Variants in NECAB2 observed in about 807,000 individuals in gnomAD.
NECAB2 encodes the protein N-terminal EF-hand calcium-binding protein 2.
NECAB2 carries 68 observed loss-of-function variants against 51.9 expected under a neutral mutation model. The observed-to-expected ratio is 1.31, with a 90% CI of 1.08 to 1.60. The LOEUF (loss-of-function observed/expected upper bound fraction) is 1.60, where lower values mean the gene tolerates loss of function less well. Ranked by LOEUF, NECAB2 falls within the 40% of genes most tolerant of loss-of-function variation. NECAB2 has a pLI of 0.00. For missense variants in NECAB2, 854 were observed against 490.3 expected, an observed-to-expected ratio of 1.74 and a Z score of -7.00; for synonymous variants, 329 against 203.5, an observed-to-expected ratio of 1.62 and a Z score of -5.25.
intron 8 of NECAB2, among the ~76,000 whole-genome samples, chr16:83,995,086 G>C (rs1290609022): frequency 6.6e-6 from 1 of 152,202 alleles, no homozygotes; most frequent in East Asian, 1.9e-4. Context: ...GTGATGATTC[G>C]AGAGAGTTTC....
At chr16:83,977,528 G>C (rs911635644) in intron 2 of NECAB2, among the ~76,000 whole-genome samples, 3 of 152,106 alleles carry the variant, frequency 2.0e-5, no homozygotes, top group African/African-American at 7.2e-5. Context: ...GGGAAAAGGT[G>C]AGGCGATGGG....
rs1412584878 is a variant in NECAB2 at position 83,998,328 on chromosome 16, T to G, written c.962+11T>G. ...GAGGAACTGCTTCCAGTGAGTGAGCTGCCGAGGCGTGGGTGGGATGGTGGC... is the reference window on the plus strand; with the variant it reads ...GAGGAACTGCTTCCAGTGAGTGAGCGGCCGAGGCGTGGGTGGGATGGTGGC... On this transcript the variant is annotated intron_variant, in intron 10 of 12. Transcript: ENST00000305202. The G allele has an allele frequency of 1.2e-6, 2 of 1,611,866 alleles. No individual in the cohort carries two copies. The highest frequency in any genetic ancestry group is 1.1e-5 in the South Asian group (1 of 90,862).
Position 83,994,635 on chromosome 16 carries a change from C to T in NECAB2, c.742C>T (p.Leu248=), listed in dbSNP as rs768518010. Residue 248 remains leucine, a synonymous_variant, in exon 8 of 13, where the codon CTG becomes TTG. Coordinates refer to ENST00000305202, the MANE Select transcript of NECAB2 (RefSeq NM_019065.3). ...CACGGAGGATGCAAAGGAAGAGGGTCTGGAAGCCCAGATCAGCCGCTTGGC... is the reference window on the plus strand; with the variant it reads ...CACGGAGGATGCAAAGGAAGAGGGTTTGGAAGCCCAGATCAGCCGCTTGGC... ...SATEDAKEEG[L]EAQISRLAEL... is the part of the protein sequence containing the mutation. 4.6e-5 allele frequency: 74 copies of T among 1,614,006 alleles called. No individual in the cohort carries two copies. The South Asian group carries it at 7.9e-4, about 17-fold the overall frequency.
chr16:83,965,270 C>A, upstream of NECAB2: 1 of 1,607,614 alleles, frequency 6.2e-7, no homozygotes, highest in Middle Eastern at 1.7e-4. Context: ...CCAGGCCCAG[C>A]AGCCCTTCTC....
intron 9 of NECAB2, 41 bp from the exon 10 acceptor site, chr16:83,998,164 C>A (rs1051840737): frequency 5.0e-6 from 8 of 1,584,360 alleles, no homozygotes; most frequent in Non-Finnish European, 6.9e-6. Flanking sequence ...GGGAGAAGGC[C>A]TGACGTGGAG....
rs1350440323 is a variant in NECAB2 at position 83,978,526 on chromosome 16, T to C, written c.309T>C (p.Phe103=). Residue 103 remains phenylalanine (F), a synonymous_variant, in exon 3 of 13, where the codon TTT becomes TTC. Transcript: ENST00000305202. ...ATGAGAAAGAACTGGAGGATCTCTTTCACACGATTGACTCTGACAACACCA... is the reference window on the plus strand; with the variant it reads ...ATGAGAAAGAACTGGAGGATCTCTTCCACACGATTGACTCTGACAACACCA... The part of the protein sequence containing the change: ...VLNEKELEDL[F]HTIDSDNTNH... 2 of 1,613,806 alleles carry C rather than the reference T, an allele frequency of 1.2e-6. No homozygotes were observed. Among genetic ancestry groups the C allele is most frequent in the South Asian group, 1.1e-5 (1 of 91,060 alleles).
rs1597225227 is a variant in NECAB2 at position 83,997,355 on chromosome 16, C to T, written c.849+86C>T. 1.3e-5 allele frequency: 20 copies of T among 1,527,082 alleles called. No individual in the cohort carries two copies. The Admixed American group carries it at 1.5e-4, about 12-fold the overall frequency. 94.6% of individuals were successfully genotyped at this position (1,527,082 alleles called of 1,614,324 possible). On this transcript the variant is annotated intron_variant, in intron 9 of 12. Coordinates refer to ENST00000305202, the MANE Select transcript of NECAB2 (RefSeq NM_019065.3). ...GATCCAAGTGGCTCAATGCCCCTGA[C>T]CCCGCTCTCCCTGCTTGGGACCACC...
At chr16:83,995,550 C>G (rs1187719244) in intron 8 of NECAB2, among the ~76,000 whole-genome samples, 1 of 152,188 alleles carries the variant, frequency 6.6e-6, no homozygotes, top group Non-Finnish European at 1.5e-5. Flanking sequence ...CCAAACCTAT[C>G]CACATGCACA....
chr16:84,000,680 T>C (rs748931482), intron 10 of NECAB2, 44 bp from the exon 11 acceptor site: 1 of 1,584,082 alleles, frequency 6.3e-7, no homozygotes, highest in Non-Finnish European at 8.7e-7. Flanking sequence ...GAGGTGGCCT[T>C]GGTTGAGCTC....
chr16:83,992,182 T>C (rs778497185), intron 6 of NECAB2, among the ~76,000 whole-genome samples: 24 of 149,450 alleles, frequency 1.6e-4, no homozygotes, highest in Non-Finnish European at 3.4e-4. Flanking sequence ...TCAGGAGGAC[T>C]GAAAGAGACG....
chr16:83,998,801 T>TCTCCCCTTC (rs1555549553), intron 10 of NECAB2, among the ~76,000 whole-genome samples: 2 of 151,706 alleles, frequency 1.3e-5, no homozygotes, highest in African/African-American at 4.9e-5. Flanking sequence ...TAGTTGCCCT[T>TCTCCCCTTC]CTCCCCCTGA....
At chr16:83,984,520 C>G (rs745325835) in intron 5 of NECAB2, among the ~76,000 whole-genome samples, 3 of 151,494 alleles carry the variant, frequency 2.0e-5, no homozygotes, top group Non-Finnish European at 4.4e-5. Context: ...CCCAGAAGTT[C>G]AAGACCACCC....
intron 2 of NECAB2, 68 bp from the exon 3 acceptor site, chr16:83,978,376 G>A: frequency 7.8e-7 from 1 of 1,283,954 alleles, no homozygotes; most frequent in Non-Finnish European, 1.1e-6. Flanking sequence ...TGGGGGCCGT[G>A]CATGCACTAG....
chr16:83,984,823 C>G (rs1415487032), intron 5 of NECAB2, among the ~76,000 whole-genome samples: 1 of 152,168 alleles, frequency 6.6e-6, no homozygotes, highest in African/African-American at 2.4e-5. Flanking sequence ...ACAGTTTTGC[C>G]TGTTTTAATT....
At chr16:83,976,268 G>A (rs1192632457) in intron 2 of NECAB2, among the ~76,000 whole-genome samples, 2 of 152,194 alleles carry the variant, frequency 1.3e-5, no homozygotes, top group Non-Finnish European at 2.9e-5. Flanking sequence ...GGATTAGGTT[G>A]AGAGCCTGGA....
chr16:83,978,610 CT>C, intron 3 of NECAB2, 58 bp downstream of exon 3: 2 of 1,407,226 alleles, frequency 1.4e-6, no homozygotes, highest in Non-Finnish European at 1.0e-6. Context: ...GTGGAGGCAT[CT>C]TTTCATCTAG....
intron 2 of NECAB2, among the ~76,000 whole-genome samples, chr16:83,973,901 G>A (rs142185253): frequency 6.6e-5 from 10 of 152,282 alleles, no homozygotes; most frequent in South Asian, 4.1e-4. Context: ...GTTAGTGTGC[G>A]TGTGTGGCTT....
intron 2 of NECAB2, among the ~76,000 whole-genome samples, chr16:83,973,210 G>A (rs535238543): frequency 4.5e-4 from 69 of 152,366 alleles, no homozygotes; most frequent in African/African-American, 1.6e-3. Context: ...GGTCCCCAAC[G>A]CCTCTGGCCC....
Position 84,002,315 on chromosome 16 carries a change from T to C in NECAB2, c.1133-3T>C, listed in dbSNP as rs1481514059. 3 of 1,613,760 alleles carry C rather than the reference T, an allele frequency of 1.9e-6. No individual in the cohort carries two copies. Among genetic ancestry groups the C allele is most frequent in the Non-Finnish European group, 2.5e-6 (3 of 1,179,874 alleles). ...TCCCTCTAACGTGTCTCTCTCCTTT[T>C]AGCTGCTTGGTGCACGGTGGGACGG... On this transcript the variant is annotated splice_region_variant and splice_polypyrimidine_tract_variant and intron_variant, in intron 12 of 12. Coordinates refer to ENST00000305202, the MANE Select transcript of NECAB2 (RefSeq NM_019065.3).
Sources: allele counts gnomAD v4.1 joint callset (sites outside exome capture counted in the v4.1 genomes callset), GRCh38; gene constraint gnomAD v4.1.1; transcripts MANE v1.5; gene names NCBI Gene and HGNC (gene_info 2026-07-23, HGNC 2026-07-21).